The following SLC2A4 variants were observed in gnomAD, a reference collection of about 807,000 sequenced individuals.
The protein encoded by SLC2A4 is solute carrier family 2, facilitated glucose transporter member 4.
Under a neutral mutation model 53.3 loss-of-function variants are expected in SLC2A4, and 31 were observed. The ratio of observed to expected loss-of-function variants is 0.58; its 90% confidence interval spans 0.44 to 0.78. SLC2A4 has a LOEUF of 0.78. Among genes scored for constraint, SLC2A4 ranks in the 30% least tolerant of loss-of-function variants. The pLI, the probability that SLC2A4 is intolerant of heterozygous loss-of-function variation, is 0.00. For missense variants in SLC2A4, 538 were observed against 655.7 expected (o/e 0.82, Z 1.96); for synonymous variants, 276 against 281.9 (o/e 0.98, Z 0.21).
Position 7,284,866 on chromosome 17 carries a change from C to G in SLC2A4, c.947C>G (p.Thr316Arg), listed in dbSNP as rs763731483. 53 of 1,614,110 alleles carry G rather than the reference C, an allele frequency of 3.3e-5. No individual in the cohort carries two copies. The highest frequency in any genetic ancestry group is 4.3e-5 in the Non-Finnish European group (51 of 1,180,042). Residue 316 changes from threonine to arginine, a missense_variant, in exon 8 of 11, where the codon ACA becomes AGA. By Grantham distance (71) the Thr-to-Arg change is moderately conservative. Transcript: ENST00000317370. The surrounding 1 kb of genome is among the most constrained non-coding windows in gnomAD (Gnocchi z 7.5). ...VFYYSTSIFE[T>R]AGVGQPAYAT... ...TATTATTCGACCAGCATCTTCGAGA[C>G]AGCAGGGGTAGGCCAGCCTGCCTAT...
intron 10 of SLC2A4, 66 bp from the exon 11 acceptor site, chr17:7,286,360 T>G: frequency 7.1e-7 from 1 of 1,398,606 alleles, no homozygotes; most frequent in Non-Finnish European, 1.0e-6. Flanking sequence ...TAGCTCCTGG[T>G]TGCCTGAAAC....
rs752065547 is a variant in SLC2A4 at position 7,284,710 on chromosome 17, G to A, written c.915+38G>A. On this transcript the variant is annotated intron_variant, in intron 7 of 10. Transcript: ENST00000317370. The surrounding 1 kb of genome is among the most constrained non-coding windows in gnomAD (Gnocchi z 7.5). ...CAGCCTCCAGGCAGGGCACAGCCCCGGGAGGGTAGACGAGAGTGGGGAGCA... is the reference window on the plus strand; with the variant it reads ...CAGCCTCCAGGCAGGGCACAGCCCCAGGAGGGTAGACGAGAGTGGGGAGCA... 1.6e-5 allele frequency: 25 copies of A among 1,612,258 alleles called. No individual in the cohort carries two copies. Among genetic ancestry groups the A allele is most frequent in the East Asian group, 4.5e-5 (2 of 44,878 alleles).
In SLC2A4 at chr17:7,285,641, T is replaced by A; in HGVS notation, c.1123-64T>A. On this transcript the variant is annotated intron_variant, in intron 9 of 10. Coordinates refer to ENST00000317370, the MANE Select transcript of SLC2A4 (RefSeq NM_001042.3). The surrounding 1 kb of genome is among the most constrained non-coding windows in gnomAD (Gnocchi z 6.0). ...GGGGTTAGGTTTCACTTCTCTGAGTTGAGGGCAAGGGAAGATCAGAAAGGC... is the reference window on the plus strand; with the variant it reads ...GGGGTTAGGTTTCACTTCTCTGAGTAGAGGGCAAGGGAAGATCAGAAAGGC... 6.5e-7 allele frequency: 1 copy of A among 1,530,610 alleles called. No homozygotes were observed. The highest frequency in any genetic ancestry group is 2.2e-5 in the East Asian group (1 of 44,468). 94.8% of individuals were successfully genotyped at this position (1,530,610 alleles called of 1,614,324 possible). A position where few individuals can be genotyped will look rare whatever the true frequency, so the allele number is the denominator to read the frequency against.
In SLC2A4 at chr17:7,287,854, T is replaced by A. The variant is rs2072465693; in HGVS notation, c.*1225T>A. Reference sequence around the variant, plus strand: ...GACAAGCATCCTATTGTGGAGGTACTTGAGGATGGGCTGAGACAGGGACCA... The same window carrying A: ...GACAAGCATCCTATTGTGGAGGTACATGAGGATGGGCTGAGACAGGGACCA... On this transcript the variant is annotated 3_prime_UTR_variant, in exon 11 of 11. Coordinates refer to ENST00000317370, the MANE Select transcript of SLC2A4 (RefSeq NM_001042.3). 1 of 152,218 alleles carries A rather than the reference T, an allele frequency of 6.6e-6. No individual in the cohort carries two copies. Among genetic ancestry groups the A allele is most frequent in the African/African-American group, 2.4e-5 (1 of 41,444 alleles). 9.4% of individuals were successfully genotyped at this position (152,218 alleles called of 1,614,324 possible).
Position 7,282,124 on chromosome 17 carries a change from C to G in SLC2A4, c.33+157C>G, listed in dbSNP as rs1017227395. The G allele has an allele frequency of 1.5e-6, 1 of 689,406 alleles. No individual in the cohort carries two copies. Among genetic ancestry groups the G allele is most frequent in the Non-Finnish European group, 2.6e-6 (1 of 385,192 alleles). The allele number at this position is 689,406 out of a possible 1,614,324, so 42.7% of individuals were successfully genotyped here. ...TATACCCGGCCTGGACAACCCGTGA[C>G]TGTGAGATTCCAATCCTACCAAAAG... On this transcript the variant is annotated intron_variant, in intron 1 of 10. Coordinates refer to ENST00000317370, the MANE Select transcript of SLC2A4 (RefSeq NM_001042.3). This position sits in a 1 kb window ranked among gnomAD's most constrained non-coding sequence, Gnocchi z 4.1.
In SLC2A4 at chr17:7,283,818, A is replaced by G; in HGVS notation, c.404A>G (p.Tyr135Cys). 1 of 1,614,088 alleles carries G rather than the reference A, an allele frequency of 6.2e-7. No individual in the cohort carries two copies. The highest frequency in any genetic ancestry group is 8.5e-7 in the Non-Finnish European group (1 of 1,179,996). The change falls in exon 4 of 11, where the codon TAT becomes TGT. Residue 135 changes from tyrosine (Y) to cysteine (C), a missense_variant. Tyr to Cys is a radical substitution (Grantham distance 194). Transcript: ENST00000317370. The surrounding 1 kb of genome is among the most constrained non-coding windows in gnomAD (Gnocchi z 5.8). ...LMGLANAAAS[Y>C]EMLILGRFLI... ...GGCCTGGCCAATGCTGCTGCCTCCTATGAAATGCTCATCCTTGGACGATTC... is the reference window on the plus strand; with the variant it reads ...GGCCTGGCCAATGCTGCTGCCTCCTGTGAAATGCTCATCCTTGGACGATTC...
Position 7,281,825 on chromosome 17 carries a change from C to A in SLC2A4, c.-110C>A. On this transcript the variant is annotated 5_prime_UTR_variant, in exon 1 of 11. Coordinates refer to ENST00000317370, the MANE Select transcript of SLC2A4 (RefSeq NM_001042.3). ...TCGGGCCCGCCCTCGCACGTCACTC[C>A]GGGACCCCCGCGGCCTCCGCAGGTT... The A allele has an allele frequency of 1.7e-6, 2 of 1,186,860 alleles. No homozygotes were observed. Among genetic ancestry groups the A allele is most frequent in the Non-Finnish European group, 2.5e-6 (2 of 816,204 alleles). 73.5% of individuals were successfully genotyped at this position (1,186,860 alleles called of 1,614,324 possible). A position where few individuals can be genotyped will look rare whatever the true frequency, so the allele number is the denominator to read the frequency against.
chr17:7,284,363 G>A lies in SLC2A4; in HGVS notation c.711G>A (p.Glu237=), dbSNP rs200489077. ...ACCTCTACATCATCCAGAATCTCGA[G>A]GGGCCTGCCAGAAAGAGTAAGCTCT... ...PRYLYIIQNL[E]GPARKSLKRL... Residue 237 remains glutamate, a synonymous_variant, in exon 6 of 11, where the codon GAG becomes GAA. Coordinates refer to ENST00000317370, the MANE Select transcript of SLC2A4 (RefSeq NM_001042.3). The surrounding 1 kb of genome is among the most constrained non-coding windows in gnomAD (Gnocchi z 7.5). 4.3e-6 allele frequency: 7 copies of A among 1,614,116 alleles called. No homozygotes were observed. In the Admixed American group the frequency reaches 8.3e-5, roughly 19 times the overall value.
Position 7,286,728 on chromosome 17 carries a change from C to G in SLC2A4, c.*99C>G. On this transcript the variant is annotated 3_prime_UTR_variant, in exon 11 of 11. Transcript: ENST00000317370. ...TTAACCCTCTCTTCCCTATTATTTC[C>G]GGGTGGAAAAGAATCCCTGCAGCCT... 8.6e-7 allele frequency: 1 copy of G among 1,164,656 alleles called. No homozygotes were observed. Among genetic ancestry groups the G allele is most frequent in the Non-Finnish European group, 1.3e-6 (1 of 783,162 alleles). 72.1% of individuals were successfully genotyped at this position (1,164,656 alleles called of 1,614,324 possible).
Position 7,281,828 on chromosome 17 carries a change from G to A in SLC2A4, c.-107G>A, listed in dbSNP as rs1359684299. The A allele has an allele frequency of 2.5e-6, 3 of 1,205,392 alleles. No individual in the cohort carries two copies. The highest frequency in any genetic ancestry group is 2.0e-5 in the Admixed American group (1 of 50,508). 74.7% of individuals were successfully genotyped at this position (1,205,392 alleles called of 1,614,324 possible). A position where few individuals can be genotyped will look rare whatever the true frequency, so the allele number is the denominator to read the frequency against. On this transcript the variant is annotated 5_prime_UTR_variant, in exon 1 of 11. Transcript: ENST00000317370. ...GGCCCGCCCTCGCACGTCACTCCGG[G>A]ACCCCCGCGGCCTCCGCAGGTTCTG...
At position 7,283,650 on chromosome 17, in the gene SLC2A4, G is replaced by A. The variant is rs747724275; in HGVS notation, c.323+5G>A. On this transcript the variant is annotated splice_donor_5th_base_variant and intron_variant, in intron 3 of 10. Transcript: ENST00000317370. This position sits in a 1 kb window ranked among gnomAD's most constrained non-coding sequence, Gnocchi z 5.8. ...CATCTCTCAGTGGCTTGGAAGGTTC[G>A]CAGCTGGAGGGCAGGGGTGGGGGAA... The A allele has an allele frequency of 4.3e-6, 7 of 1,613,892 alleles. No homozygotes were observed. Among genetic ancestry groups the A allele is most frequent in the South Asian group, 1.1e-5 (1 of 91,068 alleles).
intron 10 of SLC2A4, 99 bp downstream of exon 10, chr17:7,286,007 A>AC: frequency 3.5e-6 from 4 of 1,148,748 alleles, no homozygotes; most frequent in Non-Finnish European, 5.0e-6. Context: ...CCAGCCACAG[A>AC]CCATGGGTCT....
chr17:7,285,730 T>C lies in SLC2A4; in HGVS notation c.1148T>C (p.Val383Ala). The C allele has an allele frequency of 6.2e-7, 1 of 1,614,180 alleles. No homozygotes were observed. Among genetic ancestry groups the C allele is most frequent in the Non-Finnish European group, 8.5e-7 (1 of 1,180,034 alleles). The change falls in exon 10 of 11, where the codon GTC (valine) becomes GCC (alanine). Residue 383 changes from valine to alanine, a missense_variant. Coordinates refer to ENST00000317370, the MANE Select transcript of SLC2A4 (RefSeq NM_001042.3). This position sits in a 1 kb window ranked among gnomAD's most constrained non-coding sequence, Gnocchi z 6.0. ...LLERVPAMSY[V>A]SIVAIFGFVA... ...GAGCGAGTTCCAGCCATGAGCTACG[T>C]CTCCATTGTGGCCATCTTTGGCTTC...
chr17:7,284,630 G>C lies in SLC2A4; in HGVS notation c.873G>C (p.Ala291=), dbSNP rs377321536. The change falls in exon 7 of 11, where the codon GCG becomes GCC. Residue 291 remains alanine, a synonymous_variant. Transcript: ENST00000317370. The surrounding 1 kb of genome is among the most constrained non-coding windows in gnomAD (Gnocchi z 7.5). ...SRTHRQPLII[A]VVLQLSQQLS... is the part of the protein sequence containing the mutation. The stretch of plus-strand genomic sequence containing the variant: ...CCCACCGGCAGCCCCTGATCATTGC[G>C]GTCGTGCTGCAGCTGAGCCAGCAGC... 3.1e-6 allele frequency: 5 copies of C among 1,614,050 alleles called. No homozygotes were observed. The highest frequency in any genetic ancestry group is 4.2e-6 in the Non-Finnish European group (5 of 1,180,044).
At position 7,283,975 on chromosome 17, in the gene SLC2A4, G is replaced by A. The variant is rs542138827; in HGVS notation, c.450G>A (p.Gly150=). Residue 150 remains glycine, a splice_region_variant and synonymous_variant, in exon 5 of 11, where the codon GGG becomes GGA. Transcript: ENST00000317370. This position sits in a 1 kb window ranked among gnomAD's most constrained non-coding sequence, Gnocchi z 5.8. ...LGRFLIGAYS[G]LTSGLVPMYV... is the part of the protein sequence containing the mutation. ...GCCCTCTCTTCTTCCCTCGCCCAGG[G>A]CTGACATCAGGGCTGGTGCCCATGT... The A allele has an allele frequency of 1.9e-6, 3 of 1,613,496 alleles. No homozygotes were observed. In the Admixed American group the frequency reaches 5.0e-5, roughly 27 times the overall value.
At position 7,285,121 on chromosome 17, in the gene SLC2A4, C is replaced by T. The variant is rs367617703; in HGVS notation, c.1054C>T (p.Leu352Phe). Residue 352 changes from leucine to phenylalanine, a missense_variant, in exon 9 of 11, where the codon CTC becomes TTC. Leu to Phe is a conservative substitution (Grantham distance 22). Coordinates refer to ENST00000317370, the MANE Select transcript of SLC2A4 (RefSeq NM_001042.3). The surrounding 1 kb of genome is among the most constrained non-coding windows in gnomAD (Gnocchi z 6.0). Reference protein sequence around the residue: ...LLVERAGRRTLHLLGLAGMCG... With the variant: ...LLVERAGRRTFHLLGLAGMCG... ...GGTGGAGCGGGCGGGGCGCCGGACGCTCCATCTCCTGGGCCTGGCGGGCAT... is the reference window on the plus strand; with the variant it reads ...GGTGGAGCGGGCGGGGCGCCGGACGTTCCATCTCCTGGGCCTGGCGGGCAT... The T allele has an allele frequency of 4.5e-5, 73 of 1,604,812 alleles. No individual in the cohort carries two copies. Among genetic ancestry groups the T allele is most frequent in the Non-Finnish European group, 5.9e-5 (70 of 1,177,180 alleles).
In SLC2A4 at chr17:7,284,081, A is replaced by G. The variant is rs1314734846; in HGVS notation, c.556A>G (p.Ile186Val). Reference sequence around the variant, plus strand: ...ACTGGCCATTGTTATCGGCATTCTGATCGCCCAGGTGACCGGAGCAAGCCT... The same window carrying G: ...ACTGGCCATTGTTATCGGCATTCTGGTCGCCCAGGTGACCGGAGCAAGCCT... ...NQLAIVIGIL[I>V]AQVLGLESLL... is the part of the protein sequence containing the mutation. The change falls in exon 5 of 11, where the codon ATC (isoleucine) becomes GTC (valine). Residue 186 changes from isoleucine to valine, a missense_variant. Coordinates refer to ENST00000317370, the MANE Select transcript of SLC2A4 (RefSeq NM_001042.3). The surrounding 1 kb of genome is among the most constrained non-coding windows in gnomAD (Gnocchi z 7.5). The G allele has an allele frequency of 6.2e-7, 1 of 1,613,674 alleles. No individual in the cohort carries two copies. Among genetic ancestry groups the G allele is most frequent in the South Asian group, 1.1e-5 (1 of 91,012 alleles).
rs2072457025 is a variant in SLC2A4, at chr17:7,287,106, G to A, written c.*477G>A. 1.2e-5 allele frequency: 2 copies of A among 162,272 alleles called. No individual in the cohort carries two copies. The highest frequency in any genetic ancestry group is 6.0e-5 in the Admixed American group (1 of 16,746). 10.1% of individuals were successfully genotyped at this position (162,272 alleles called of 1,614,324 possible). A position where few individuals can be genotyped will look rare whatever the true frequency, so the allele number is the denominator to read the frequency against. On this transcript the variant is annotated 3_prime_UTR_variant, in exon 11 of 11. Transcript: ENST00000317370. ...CTGAATTCTTGCCACGCAGACTCTGGGCAAAGGGGTTTTTTTTTTTTTTTT... is the reference window on the plus strand; with the variant it reads ...CTGAATTCTTGCCACGCAGACTCTGAGCAAAGGGGTTTTTTTTTTTTTTTT...
Position 7,284,777 on chromosome 17 carries a change from G to A in SLC2A4, c.916-58G>A. On this transcript the variant is annotated intron_variant, in intron 7 of 10. Transcript: ENST00000317370. The surrounding 1 kb of genome is among the most constrained non-coding windows in gnomAD (Gnocchi z 7.5). Reference sequence around the variant, plus strand: ...ACCCAGGGTAGGGCCAGCCTGTTGTGGCTGGAGTAGAGGAAGGGGCATTCC... The same window carrying A: ...ACCCAGGGTAGGGCCAGCCTGTTGTAGCTGGAGTAGAGGAAGGGGCATTCC... 3 of 1,612,032 alleles carry A rather than the reference G, an allele frequency of 1.9e-6. No individual in the cohort carries two copies. The highest frequency in any genetic ancestry group is 1.1e-5 in the South Asian group (1 of 91,018).
Sources: gnomAD v4.1 joint callset for allele counts on GRCh38, gnomAD v4.1.1 for gene constraint, Gnocchi (gnomAD v3.1) non-coding constraint, MANE v1.5 for transcripts, NCBI Gene and HGNC (gene_info 2026-07-23, HGNC 2026-07-21) for gene names.